The following EXOC4 variants were observed in gnomAD, a reference collection of about 807,000 sequenced individuals.
The protein encoded by EXOC4 is exocyst complex component 4.
EXOC4 carries 71 observed loss-of-function variants against 107.2 expected under a neutral mutation model. The observed-to-expected ratio is 0.66, with a 90% CI of 0.55 to 0.81. EXOC4 has a LOEUF of 0.81. Ranked by LOEUF, EXOC4 falls within the 30% of genes least tolerant of loss-of-function variation. The probability of loss-of-function intolerance (pLI) is 0.00; values close to 1 mark genes in which losing one functional copy is unlikely to be tolerated. For synonymous variants in EXOC4, 456 were observed against 441.2 expected (o/e 1.03, Z -0.42); for missense variants, 1,108 against 1,189.6 (o/e 0.93, Z 1.01).
At chr7:133,539,227 C>T (rs903393367) in intron 9 of EXOC4, among the ~76,000 whole-genome samples, 12 of 151,992 alleles carry the variant, frequency 7.9e-5, no homozygotes, top group Non-Finnish European at 8.8e-5. Flanking sequence ...TGGGAATGGA[C>T]AGAGCAGCAT....
intron 7 of EXOC4, among the ~76,000 whole-genome samples, chr7:133,435,240 G>A (rs566093542): frequency 6.6e-6 from 1 of 152,042 alleles, no homozygotes; most frequent in South Asian, 2.1e-4. Flanking sequence ...CTTGTCACAT[G>A]TGAAGGCACG....
intron 5 of EXOC4, among the ~76,000 whole-genome samples, chr7:133,342,143 T>C (rs2150628059): frequency 6.6e-6 from 1 of 152,274 alleles, no homozygotes; most frequent in South Asian, 2.1e-4. Flanking sequence ...CCTGTGAAAT[T>C]TATGATTTAA....
intron 9 of EXOC4, among the ~76,000 whole-genome samples, chr7:133,624,840 A>G (rs1269610763): frequency 6.6e-6 from 1 of 150,654 alleles, no homozygotes; most frequent in Non-Finnish European, 1.5e-5. Context: ...TAATCTGCCC[A>G]CCTCAGCCTC....
chr7:134,011,483 C>T (rs1790342339), intron 17 of EXOC4, among the ~76,000 whole-genome samples: 1 of 152,068 alleles, frequency 6.6e-6, no homozygotes, highest in African/African-American at 2.4e-5. Flanking sequence ...TTTCATTGCT[C>T]CTCAGTTTTT....
chr7:134,037,701 G>C (rs1795423300), intron 17 of EXOC4, among the ~76,000 whole-genome samples: 1 of 152,180 alleles, frequency 6.6e-6, no homozygotes, highest in Non-Finnish European at 1.5e-5. Context: ...TTGAGTAGAA[G>C]TGTCATCTTT....
chr7:133,484,494 T>C (rs1799229557), intron 9 of EXOC4, among the ~76,000 whole-genome samples: 1 of 152,122 alleles, frequency 6.6e-6, no homozygotes, highest in Non-Finnish European at 1.5e-5. Flanking sequence ...TGTATAATTC[T>C]TCAGGGGAAT....
At chr7:133,620,136 C>T (rs1291022959) in intron 9 of EXOC4, among the ~76,000 whole-genome samples, 2 of 152,046 alleles carry the variant, frequency 1.3e-5, no homozygotes, top group Admixed American at 1.3e-4. Flanking sequence ...AATTCTCGTG[C>T]CTCAGCCTCC....
At chr7:133,457,173 C>G (rs901042718) in intron 7 of EXOC4, among the ~76,000 whole-genome samples, 2 of 152,086 alleles carry the variant, frequency 1.3e-5, no homozygotes, top group Non-Finnish European at 2.9e-5. Context: ...AATAGTAGGA[C>G]TCAATGAATA....
intron 17 of EXOC4, among the ~76,000 whole-genome samples, chr7:134,034,732 C>T (rs887246479): frequency 3.3e-5 from 5 of 152,120 alleles, no homozygotes; most frequent in African/African-American, 4.8e-5. Flanking sequence ...TGGACAGTTC[C>T]TTATAGCAGT....
chr7:133,897,931 A>G (rs774588108), intron 12 of EXOC4, among the ~76,000 whole-genome samples: 28 of 152,082 alleles, frequency 1.8e-4, no homozygotes, highest in East Asian at 1.9e-4. Flanking sequence ...ATGATGTTCA[A>G]TCAGTCTCAA....
chr7:133,854,262 G>A (rs1798300558), intron 11 of EXOC4, among the ~76,000 whole-genome samples: 1 of 152,154 alleles, frequency 6.6e-6, no homozygotes, highest in Non-Finnish European at 1.5e-5. Flanking sequence ...AGCTGGGAAT[G>A]ACGGACTCTG....
At chr7:133,438,840 A>G (rs1798036086) in intron 7 of EXOC4, among the ~76,000 whole-genome samples, 2 of 152,204 alleles carry the variant, frequency 1.3e-5, no homozygotes, top group Admixed American at 6.5e-5. Flanking sequence ...CAGTGCTTAT[A>G]GTATGTTGAA....
chr7:133,413,309 GCTTAGTGC>G (rs1797403689), intron 7 of EXOC4, among the ~76,000 whole-genome samples: 1 of 151,730 alleles, frequency 6.6e-6, no homozygotes, highest in Non-Finnish European at 1.5e-5. Flanking sequence ...TTGTCATTTT[GCTTAGTGC>G]CTAAATCCAA....
At chr7:133,520,145 T>G (rs2150909248) in intron 9 of EXOC4, among the ~76,000 whole-genome samples, 1 of 152,278 alleles carries the variant, frequency 6.6e-6, no homozygotes, top group South Asian at 2.1e-4. Context: ...CATATAAAAT[T>G]AAAAGCCAAA....
chr7:133,870,148 G>A (rs1040644709), intron 11 of EXOC4, among the ~76,000 whole-genome samples: 1 of 152,104 alleles, frequency 6.6e-6, no homozygotes, highest in African/African-American at 2.4e-5. Context: ...TGTTAAGTGT[G>A]CATCCCTTTA....
chr7:133,441,774 A>G (rs572819610), intron 7 of EXOC4, among the ~76,000 whole-genome samples: 1 of 152,188 alleles, frequency 6.6e-6, no homozygotes, highest in Non-Finnish European at 1.5e-5. Context: ...TATGGCTTGC[A>G]AATGATACAG....
chr7:133,959,159 A>G (rs529246738), intron 14 of EXOC4, among the ~76,000 whole-genome samples: 1 of 152,340 alleles, frequency 6.6e-6, no homozygotes, highest in South Asian at 2.1e-4. Flanking sequence ...AAATATGAGC[A>G]GACAGCCAAG....
chr7:133,614,750 G>C (rs565266692), intron 9 of EXOC4, among the ~76,000 whole-genome samples: 118 of 116,658 alleles, frequency 1.0e-3, no homozygotes, highest in African/African-American at 3.9e-3. Flanking sequence ...ATTTACAAGA[G>C]AGCCGATCAA....
intron 9 of EXOC4, among the ~76,000 whole-genome samples, chr7:133,494,056 A>G (rs184442092): frequency 1.9e-3 from 287 of 152,324 alleles, no homozygotes; most frequent in Middle Eastern, 3.4e-3. Flanking sequence ...GCATTGTTTT[A>G]TGTACATTAT....
Sources: allele counts gnomAD v4.1 joint callset (sites outside exome capture counted in the v4.1 genomes callset), GRCh38; gene constraint gnomAD v4.1.1; transcripts MANE v1.5; gene names NCBI Gene and HGNC (gene_info 2026-07-23, HGNC 2026-07-21).